Variants in DAB1 observed in about 807,000 individuals in gnomAD.
The protein encoded by DAB1 is disabled homolog 1.
Under a neutral mutation model 64.6 loss-of-function variants are expected in DAB1, and 15 were observed. That is an observed-to-expected ratio of 0.23 (90% CI 0.16 to 0.36). The LOEUF is 0.36. Ranked by LOEUF, DAB1 falls within the 10% of genes least tolerant of loss-of-function variation. DAB1 has a pLI of 1.00. For missense variants in DAB1, 596 were observed against 706.7 expected (o/e 0.84, Z 1.78); for synonymous variants, 235 against 251.9 (o/e 0.93, Z 0.64).
intron 5 of DAB1, among the ~76,000 whole-genome samples, chr1:58,102,999 G>A (rs77374049): frequency 1.3e-5 from 2 of 152,082 alleles, no homozygotes; most frequent in African/African-American, 4.8e-5. Flanking sequence ...GGATAGAACT[G>A]TTTGGATCTT....
chr1:58,357,640 A>G (rs1316147281), intron 3 of DAB1, among the ~76,000 whole-genome samples: 1 of 152,204 alleles, frequency 6.6e-6, no homozygotes, highest in Non-Finnish European at 1.5e-5. Context: ...CAGCATGTTA[A>G]TGGCATTCGA....
intron 5 of DAB1, among the ~76,000 whole-genome samples, chr1:57,990,912 G>A (rs1034420632): frequency 6.6e-6 from 1 of 152,172 alleles, no homozygotes; most frequent in Non-Finnish European, 1.5e-5. Flanking sequence ...ACCCCAGGCT[G>A]TTTGGACACC....
At chr1:57,394,162 A>G (rs1682620138) in intron 1 of DAB1, among the ~76,000 whole-genome samples, 1 of 152,238 alleles carries the variant, frequency 6.6e-6, no homozygotes, top group African/African-American at 2.4e-5. Context: ...CCAGATTATT[A>G]GAGCCAACAC....
chr1:57,269,132 T>C (rs1670798163), intron 2 of DAB1, among the ~76,000 whole-genome samples: 2 of 151,420 alleles, frequency 1.3e-5, no homozygotes, highest in Non-Finnish European at 2.9e-5. Context: ...AGTGGAGAGG[T>C]AGAAGTGCTG....
intron 7 of DAB1, chr1:57,070,763 A>G (rs542422530): frequency 6.1e-6 from 3 of 490,460 alleles, no homozygotes; most frequent in South Asian, 2.2e-5. Flanking sequence ...TCAAACTTTT[A>G]CAGACTGTGA....
At chr1:57,351,360 T>C (rs1678577887) in intron 1 of DAB1, among the ~76,000 whole-genome samples, 1 of 152,094 alleles carries the variant, frequency 6.6e-6, no homozygotes, top group South Asian at 2.1e-4. Flanking sequence ...TTTGGGGGTA[T>C]GAAGGAAAGG....
chr1:57,818,214 T>C (rs1400528277), intron 6 of DAB1, among the ~76,000 whole-genome samples: 2 of 152,130 alleles, frequency 1.3e-5, no homozygotes, highest in Non-Finnish European at 2.9e-5. Flanking sequence ...CATTTGGAAA[T>C]AGAAATATCA....
chr1:58,118,481 T>TGTCTTAGA (rs1652491005), intron 5 of DAB1, among the ~76,000 whole-genome samples: 1 of 72,162 alleles, frequency 1.4e-5, no homozygotes, highest in Non-Finnish European at 2.4e-5. Flanking sequence ...TATATATATA[T>TGTCTTAGA]ATATATATAT....
chr1:57,226,672 A>AAAAATATATATATAT (rs747021990), intron 2 of DAB1, among the ~76,000 whole-genome samples: 25 of 135,990 alleles, frequency 1.8e-4, no homozygotes, highest in South Asian at 1.1e-3. Flanking sequence ...TTAAAAAAAA[A>AAAAATATATATATAT]ATATATATAT....
intron 14 of DAB1, among the ~76,000 whole-genome samples, chr1:57,008,234 G>C (rs540614196): frequency 1.3e-5 from 2 of 152,322 alleles, no homozygotes; most frequent in East Asian, 3.9e-4. Flanking sequence ...GCAAGCCAGA[G>C]AGCTAAGCAG....
At chr1:57,286,772 A>G (rs1251311044) in intron 2 of DAB1, among the ~76,000 whole-genome samples, 1 of 152,220 alleles carries the variant, frequency 6.6e-6, no homozygotes, top group Admixed American at 6.5e-5. Flanking sequence ...GTCCCAGAAA[A>G]GAAGTTATAC....
chr1:57,944,831 G>C lies in DAB1; in HGVS notation n.388-60669C>G, dbSNP rs2100213861. On this transcript the variant is annotated intron_variant and non_coding_transcript_variant, in intron 5 of 20. Transcript: ENST00000485760. Reference sequence around the variant, plus strand: ...TAGAACACCTCATTCATGTGATCATGCCACCTCACACTGTTAGAACACCTC... The same window carrying C: ...TAGAACACCTCATTCATGTGATCATCCCACCTCACACTGTTAGAACACCTC... 1.3e-5 allele frequency among the ~76,000 whole-genome samples: 2 copies of C among 152,124 alleles called. 1 individual carries two copies. The highest frequency in any genetic ancestry group is 4.2e-4 in the South Asian group (2 of 4,814).
At chr1:58,294,830 C>G (rs922253508) in intron 4 of DAB1, among the ~76,000 whole-genome samples, 1 of 150,402 alleles carries the variant, frequency 6.6e-6, no homozygotes, top group Non-Finnish European at 1.5e-5. Context: ...GATTTACACT[C>G]TTCTAAGCAG....
chr1:58,219,025 C>CTCTCTCTCTCTCTCTCTCTCTGTGTG (rs376130413), intron 4 of DAB1, among the ~76,000 whole-genome samples: 1 of 129,474 alleles, frequency 7.7e-6, no homozygotes, highest in South Asian at 2.9e-4. Flanking sequence ...CTCTCTCTCT[C>CTCTCTCTCTCTCTCTCTCTCTGTGTG]TGTGTGTGTG....
At chr1:58,208,709 G>A (rs759810849) in intron 4 of DAB1, among the ~76,000 whole-genome samples, 1 of 152,104 alleles carries the variant, frequency 6.6e-6, no homozygotes, top group African/African-American at 2.4e-5. Flanking sequence ...ATTTGGGCTG[G>A]TTCCATGCTT....
At position 58,300,093 on chromosome 1, in the gene DAB1, C is replaced by T. The variant is rs562461050; in HGVS notation, n.309+43259G>A. On this transcript the variant is annotated intron_variant and non_coding_transcript_variant, in intron 4 of 20. Coordinates refer to the DAB1 transcript ENST00000485760. ...AGACAAAGGTAGATTTAGGCAAAAA[C>T]GTGAATGCTCTGATGACTCAGGATA... Among the ~76,000 whole-genome samples, 7 of 152,218 alleles carry T rather than the reference C, an allele frequency of 4.6e-5. No individual in the cohort carries two copies. The South Asian group carries it at 1.5e-3, about 32-fold the overall frequency.
intron 6 of DAB1, among the ~76,000 whole-genome samples, chr1:57,671,469 G>A (rs1406933758): frequency 6.6e-6 from 1 of 152,026 alleles, no homozygotes; most frequent in Non-Finnish European, 1.5e-5. Context: ...GAAATCTGAA[G>A]TCTAAGATTT....
At chr1:58,336,474 A>G (rs1425786436) in intron 4 of DAB1, among the ~76,000 whole-genome samples, 1 of 152,196 alleles carries the variant, frequency 6.6e-6, no homozygotes, top group Non-Finnish European at 1.5e-5. Flanking sequence ...TTGAACACTT[A>G]TGTTTCAAGA....
chr1:57,655,298 A>C (rs969777651), intron 6 of DAB1, among the ~76,000 whole-genome samples: 2 of 151,784 alleles, frequency 1.3e-5, no homozygotes, highest in Non-Finnish European at 2.9e-5. Flanking sequence ...CTCATCATAC[A>C]TCCAACCCAT....
Sources: gnomAD v4.1 joint callset for allele counts (sites outside exome capture counted in the v4.1 genomes callset) on GRCh38, gnomAD v4.1.1 for gene constraint, MANE v1.5 for transcripts, NCBI Gene and HGNC (gene_info 2026-07-23, HGNC 2026-07-21) for gene names.